Variants in REDIC1 observed in about 807,000 individuals in gnomAD.
REDIC1 encodes the protein regulator of DNA class I crossover intermediates 1.
chr12:39,711,511 G>GTA, the REDIC1 span, among the ~76,000 whole-genome samples: 1 of 135,504 alleles, frequency 7.4e-6, no homozygotes, highest in Non-Finnish European at 1.6e-5. Context: ...GTATATATGT[G>GTA]TATATATGTG....
At chr12:39,798,114 G>A in the REDIC1 span, among the ~76,000 whole-genome samples, 2 of 152,194 alleles carry the variant, frequency 1.3e-5, no homozygotes, top group South Asian at 2.1e-4. Flanking sequence ...TATGAGGACA[G>A]CCAAGCTGCC....
chr12:39,687,033 C>T, the REDIC1 span, among the ~76,000 whole-genome samples: 1 of 152,200 alleles, frequency 6.6e-6, no homozygotes, highest in South Asian at 2.1e-4. Flanking sequence ...TCATTTGTAT[C>T]TGAGACCTCC....
chr12:39,643,466 A>G, the REDIC1 span, among the ~76,000 whole-genome samples: 1 of 151,660 alleles, frequency 6.6e-6, no homozygotes, highest in Non-Finnish European at 1.5e-5. Flanking sequence ...AGCCTGTCAG[A>G]ATTGTTCTGT....
the REDIC1 span, among the ~76,000 whole-genome samples, chr12:39,680,487 G>GC: frequency 6.6e-6 from 1 of 152,074 alleles, no homozygotes; most frequent in Non-Finnish European, 1.5e-5. Context: ...ATAGATGTTG[G>GC]CATGGATGTG....
At chr12:39,744,259 A>G in the REDIC1 span, among the ~76,000 whole-genome samples, 13 of 152,244 alleles carry the variant, frequency 8.5e-5, no homozygotes, top group African/African-American at 1.2e-4. Context: ...GGTGAAATAA[A>G]GGACTTTTTC....
chr12:39,841,793 G>C, the REDIC1 span, among the ~76,000 whole-genome samples: 1 of 151,906 alleles, frequency 6.6e-6, no homozygotes, highest in Non-Finnish European at 1.5e-5. Context: ...CATTATTGAA[G>C]AGACAGAATA....
chr12:39,734,542 A>C, the REDIC1 span, among the ~76,000 whole-genome samples: 12 of 152,192 alleles, frequency 7.9e-5, no homozygotes, highest in African/African-American at 2.9e-4. Context: ...ATTCATTTTC[A>C]GAAAATTTTT....
the REDIC1 span, among the ~76,000 whole-genome samples, chr12:39,704,644 T>G: frequency 6.6e-6 from 1 of 152,106 alleles, no homozygotes; most frequent in African/African-American, 2.4e-5. Flanking sequence ...GCGGCATTAT[T>G]TACAATAGCA....
chr12:39,907,175 T>C, the REDIC1 span, among the ~76,000 whole-genome samples: 133 of 152,274 alleles, frequency 8.7e-4, no homozygotes, highest in East Asian at 0.019. Flanking sequence ...AACACACAAA[T>C]CTTCTAAATA....
chr12:39,848,782 C>T, the REDIC1 span, among the ~76,000 whole-genome samples: 25 of 152,102 alleles, frequency 1.6e-4, 1 homozygote, highest in Admixed American at 1.6e-3. Flanking sequence ...AAATGCCCTT[C>T]AATGAAAGAC....
At chr12:39,722,750 CA>C in the REDIC1 span, among the ~76,000 whole-genome samples, 1 of 152,058 alleles carries the variant, frequency 6.6e-6, no homozygotes, top group Non-Finnish European at 1.5e-5. Flanking sequence ...ATGCAGTGAC[CA>C]CTTACAGTGA....
At chr12:39,680,005 C>CT in the REDIC1 span, among the ~76,000 whole-genome samples, 48 of 152,076 alleles carry the variant, frequency 3.2e-4, no homozygotes, top group East Asian at 9.3e-3. Context: ...TGATAAAAAA[C>CT]TTTAAGACAT....
the REDIC1 span, among the ~76,000 whole-genome samples, chr12:39,727,602 C>T: frequency 6.6e-5 from 10 of 150,898 alleles, no homozygotes; most frequent in African/African-American, 1.5e-4. Flanking sequence ...CTTGGCTATA[C>T]GGGCTCTTTT....
At chr12:39,736,347 G>A in the REDIC1 span, among the ~76,000 whole-genome samples, 277 of 152,316 alleles carry the variant, frequency 1.8e-3, no homozygotes, top group African/African-American at 6.1e-3. Flanking sequence ...GTCAGTGTGT[G>A]AAGGACATAT....
the REDIC1 span, among the ~76,000 whole-genome samples, chr12:39,712,450 A>G: frequency 4.4e-5 from 2 of 45,118 alleles, no homozygotes; most frequent in African/African-American, 1.0e-4. Context: ...ATATGTATAC[A>G]TACGTATATA....
the REDIC1 span, among the ~76,000 whole-genome samples, chr12:39,701,649 C>T: frequency 6.6e-6 from 1 of 152,124 alleles, no homozygotes; most frequent in Non-Finnish European, 1.5e-5. Context: ...TTTTTCAGCA[C>T]CACATGACAC....
the REDIC1 span, among the ~76,000 whole-genome samples, chr12:39,691,725 A>G: frequency 2.6e-5 from 4 of 152,200 alleles, no homozygotes; most frequent in African/African-American, 9.6e-5. Context: ...TTAAATAAAG[A>G]ATAACAAATT....
the REDIC1 span, among the ~76,000 whole-genome samples, chr12:39,738,398 T>C: frequency 7.2e-5 from 11 of 152,194 alleles, no homozygotes; most frequent in Admixed American, 7.2e-4. Context: ...GCATAAAAAC[T>C]GAGAGAAGTT....
At chr12:39,875,103 G>A in the REDIC1 span, among the ~76,000 whole-genome samples, 1 of 152,188 alleles carries the variant, frequency 6.6e-6, no homozygotes, top group Non-Finnish European at 1.5e-5. Context: ...ATTACCACAA[G>A]GTTAGTGACT....
Sources: gnomAD v4.1 joint callset for allele counts (sites outside exome capture counted in the v4.1 genomes callset) on GRCh38, gnomAD v4.1.1 for gene constraint, MANE v1.5 for transcripts, NCBI Gene and HGNC (gene_info 2026-07-23, HGNC 2026-07-21) for gene names.